DDAH1: variants seen among roughly 807,000 people sequenced by gnomAD.
The protein encoded by DDAH1 is dimethylarginine dimethylaminohydrolase 1, also known as N(G),N(G)-dimethylarginine dimethylaminohydrolase 1.
DDAH1 carries 19 observed loss-of-function variants against 28.8 expected under a neutral mutation model. The ratio of observed to expected loss-of-function variants is 0.66; its 90% CI spans 0.46 to 0.97. The LOEUF is 0.97. DDAH1 is among the 50% of genes least tolerant of loss of function. The pLI is 0.00. For synonymous variants in DDAH1, 153 were observed against 154.4 expected, an observed-to-expected ratio of 0.99 and a Z score of 0.07; for missense variants, 326 against 375.9, an observed-to-expected ratio of 0.87 and a Z score of 1.10.
At chr1:85,406,492 A>G (rs1215343448) in intron 1 of DDAH1, among the ~76,000 whole-genome samples, 1 of 152,240 alleles carries the variant, frequency 6.6e-6, no homozygotes. Context: ...CAAAGAGAAA[A>G]GAAATGAAAC....
At chr1:85,404,497 G>A (rs1226699923) in intron 1 of DDAH1, 3 of 1,488,156 alleles carry the variant, frequency 2.0e-6, no homozygotes, top group Admixed American at 2.2e-5. Context: ...AGAACAGTCT[G>A]ACCCGGATTG....
At chr1:85,366,344 A>G (rs904702101) in intron 1 of DDAH1, among the ~76,000 whole-genome samples, 2 of 152,184 alleles carry the variant, frequency 1.3e-5, no homozygotes, top group Non-Finnish European at 2.9e-5. Context: ...TTACATGAAT[A>G]AGATCTCTTG....
chr1:85,549,302 GT>G (rs1658717632), intron 1 of DDAH1, among the ~76,000 whole-genome samples: 1 of 152,076 alleles, frequency 6.6e-6, no homozygotes, highest in African/African-American at 2.4e-5. Context: ...TAGACTAAAG[GT>G]TCTCAAATTT....
At chr1:85,465,165 A>G (rs1475259019), upstream of DDAH1, 2 of 1,149,608 alleles carry the variant, frequency 1.7e-6, no homozygotes, top group Non-Finnish European at 2.1e-6. Context: ...AATGTGGTGC[A>G]GAAGGAGCCC....
chr1:85,481,250 A>G (rs1656006493), intron 2 of DDAH1, among the ~76,000 whole-genome samples: 1 of 151,988 alleles, frequency 6.6e-6, no homozygotes, highest in South Asian at 2.1e-4. Context: ...GGTGTGTGCC[A>G]CCACACCCAG....
At position 85,555,623 on chromosome 1, in the gene DDAH1, C is replaced by A. The variant is rs553583243; in HGVS notation, c.-123+22361G>T. On this transcript the variant is annotated intron_variant, in intron 1 of 6. Coordinates refer to the DDAH1 transcript ENST00000426972. The stretch of plus-strand genomic sequence containing the variant: ...TCACTCGCAGCCAGATATGCCCACA[C>A]CCATGCCTACAGAATATTCAGAGTG... Among the ~76,000 whole-genome samples the A allele has an allele frequency of 3.3e-5, 5 of 152,306 alleles. No homozygotes were observed. In the South Asian group the frequency reaches 1.0e-3, roughly 32 times the overall value.
intron 1 of DDAH1, among the ~76,000 whole-genome samples, chr1:85,395,130 T>C (rs552943809): frequency 6.6e-6 from 1 of 152,280 alleles, no homozygotes; most frequent in African/African-American, 2.4e-5. Flanking sequence ...AAAAGAGTTA[T>C]TTCAGCTAAT....
At chr1:85,350,670 A>G in intron 3 of DDAH1, 136 bp from the exon 4 acceptor site, 1 of 1,062,356 alleles carries the variant, frequency 9.4e-7, no homozygotes. Flanking sequence ...ACTGGGACCC[A>G]CAGATTTGGA....
At chr1:85,462,396 T>C (rs573475351) in intron 1 of DDAH1, among the ~76,000 whole-genome samples, 6 of 152,260 alleles carry the variant, frequency 3.9e-5, no homozygotes, top group African/African-American at 1.4e-4. Context: ...ATCTGAGTTT[T>C]TAAAAGACCA....
intron 1 of DDAH1, chr1:85,521,537 C>T (rs1657689400): frequency 1.1e-6 from 1 of 879,232 alleles, no homozygotes; most frequent in Non-Finnish European, 1.4e-6. Flanking sequence ...GATTGCCTCA[C>T]TGATGTGTTT....
At chr1:85,342,925 A>G (rs1420354639) in intron 4 of DDAH1, among the ~76,000 whole-genome samples, 1 of 152,178 alleles carries the variant, frequency 6.6e-6, no homozygotes, top group African/African-American at 2.4e-5. Context: ...TGTTTTCAGA[A>G]AGCTACTCAG....
intron 1 of DDAH1, among the ~76,000 whole-genome samples, chr1:85,512,569 T>G (rs1341018917): frequency 6.6e-6 from 1 of 152,234 alleles, no homozygotes; most frequent in Non-Finnish European, 1.5e-5. Context: ...TGTTCCTGTT[T>G]GCAGAGGACA....
At chr1:85,560,475 C>A (rs12354317) in intron 1 of DDAH1, among the ~76,000 whole-genome samples, 8,863 of 151,890 alleles carry the variant, frequency 0.058, 827 homozygotes, top group African/African-American at 0.2. Flanking sequence ...TGAAGTATGG[C>A]GTTTGTAACA....
chr1:85,474,520 C>A (rs1278722451), intron 2 of DDAH1, among the ~76,000 whole-genome samples: 3 of 152,122 alleles, frequency 2.0e-5, no homozygotes, highest in Non-Finnish European at 4.4e-5. Flanking sequence ...TGGGTAATTC[C>A]TAATCCTCTT....
intron 1 of DDAH1, among the ~76,000 whole-genome samples, chr1:85,519,501 A>G (rs1570635098): frequency 6.6e-6 from 1 of 152,206 alleles, no homozygotes. Flanking sequence ...TGGCAGCCCC[A>G]CTAAAAAGAC....
chr1:85,504,485 C>T (rs1570617657), intron 1 of DDAH1, among the ~76,000 whole-genome samples: 1 of 152,212 alleles, frequency 6.6e-6, no homozygotes, highest in East Asian at 1.9e-4. Flanking sequence ...TATAGAAGAA[C>T]CAAGAAAACC....
At chr1:85,331,422 T>C (rs1470211823) in intron 4 of DDAH1, among the ~76,000 whole-genome samples, 1 of 143,082 alleles carries the variant, frequency 7.0e-6, no homozygotes, top group Non-Finnish European at 1.5e-5. Context: ...TATTCATATA[T>C]GTATATATAT....
rs116136563 is a variant in DDAH1 at position 85,506,320 on chromosome 1, C to T, written c.-122-10039G>A. 9.9e-3 allele frequency among the ~76,000 whole-genome samples: 1,506 copies of T among 152,212 alleles called. 24 individuals are homozygous for T. Among genetic ancestry groups the T allele is most frequent in the African/African-American group, 0.035 (1,435 of 41,524 alleles). On this transcript the variant is annotated intron_variant, in intron 1 of 6. Transcript: ENST00000426972. ...CAGTGTGAAAGAGTGAGCATTAAGT[C>T]CCATGGGTTATCACAGAATCATACT...
chr1:85,319,160 G>A lies in DDAH1; in HGVS notation c.*2292C>T, dbSNP rs568190095. 4.6e-5 allele frequency: 7 copies of A among 152,258 alleles called. 1 individual carries two copies. In the South Asian group the frequency reaches 1.5e-3, roughly 32 times the overall value. 9.4% of individuals were successfully genotyped at this position (152,258 alleles called of 1,614,324 possible). ...TCAAAGAAGTAATACTATGCTGCAAGTAATTTAGGTTTTCACATCATCAAT... is the reference window on the plus strand; with the variant it reads ...TCAAAGAAGTAATACTATGCTGCAAATAATTTAGGTTTTCACATCATCAAT... On this transcript the variant is annotated 3_prime_UTR_variant, in exon 6 of 6. Transcript: ENST00000284031.
Sources: allele counts gnomAD v4.1 joint callset (sites outside exome capture counted in the v4.1 genomes callset), GRCh38; gene constraint gnomAD v4.1.1; transcripts MANE v1.5; gene names NCBI Gene and HGNC (gene_info 2026-07-23, HGNC 2026-07-21).